The following TMEM47 variants were observed in gnomAD, a reference collection of about 807,000 sequenced individuals.
TMEM47 encodes brain cell membrane protein 1.
In TMEM47, 3 loss-of-function variants were observed where a neutral mutation model predicts 12.4. The observed-to-expected ratio is 0.24, with a 90% CI of 0.11 to 0.63. TMEM47 has a LOEUF of 0.63. TMEM47 is among the 20% of genes least tolerant of loss of function. The pLI, the probability that TMEM47 is intolerant of heterozygous loss-of-function variation, is 0.86. For synonymous variants in TMEM47, 62 were observed against 63.3 expected (o/e 0.98, Z 0.10); for missense variants, 89 against 143.8 (o/e 0.62, Z 1.95).
Position 34,630,320 on chromosome X carries a change from T to C in TMEM47, c.539A>G (p.Tyr180Cys). Residue 180 changes from tyrosine (Y) to cysteine (C), a missense_variant, in exon 3 of 3, where the codon TAC becomes TGC. Tyr to Cys is a radical substitution (Grantham distance 194). Transcript: ENST00000275954. ...ACTTTGAGACTATTGGTTCTAGTAG[T>C]AGTCTTCATAGTTCTTAGGGTTCAG... ...YCLNPKNYED[Y>C]Y The C allele has an allele frequency of 8.3e-7, 1 of 1,204,648 alleles. No individual in the cohort carries two copies. Among genetic ancestry groups the C allele is most frequent in the Non-Finnish European group, 1.1e-6 (1 of 891,777 alleles).
chrX:34,649,725 G>C (rs1921981331), intron 1 of TMEM47, among the ~76,000 whole-genome samples: 1 of 111,295 alleles, frequency 9.0e-6, no homozygotes, highest in African/African-American at 3.3e-5. Context: ...AAAAAATTAA[G>C]CTTTTTCAAA....
At chrX:34,643,971 G>T (rs928688289) in intron 1 of TMEM47, among the ~76,000 whole-genome samples, 3 of 110,639 alleles carry the variant, frequency 2.7e-5, no homozygotes, top group Admixed American at 9.7e-5. Context: ...TCTCTCAAAA[G>T]AATTTTGGCA....
Position 34,657,054 on chromosome X carries a change from C to T in TMEM47, c.-25G>A, listed in dbSNP as rs1162254795. 3 of 1,127,326 alleles carry T rather than the reference C, an allele frequency of 2.7e-6. No individual in the cohort carries two copies. Among genetic ancestry groups the T allele is most frequent in the African/African-American group, 1.8e-5 (1 of 55,214 alleles). 92.9% of individuals were successfully genotyped at this position (1,127,326 alleles called of 1,213,427 possible). ...TTCCTGGGCGCCGCTGTCGTCCGCCCCGCCGCAGGCGAGGACGCCAGGCGG... is the reference window on the plus strand; with the variant it reads ...TTCCTGGGCGCCGCTGTCGTCCGCCTCGCCGCAGGCGAGGACGCCAGGCGG... On this transcript the variant is annotated 5_prime_UTR_variant, in exon 1 of 3. Coordinates refer to ENST00000275954, the MANE Select transcript of TMEM47 (RefSeq NM_031442.4).
intron 2 of TMEM47, among the ~76,000 whole-genome samples, chrX:34,637,632 A>T (rs1294644165): frequency 9.0e-6 from 1 of 111,096 alleles, no homozygotes. Context: ...ACAGTTACTT[A>T]TTTGTTTACA....
chrX:34,637,613 C>A (rs975785050), intron 2 of TMEM47, among the ~76,000 whole-genome samples: 2 of 111,124 alleles, frequency 1.8e-5, no homozygotes, highest in African/African-American at 6.5e-5. Context: ...TTAAAAAAAA[C>A]CCTTCATTAC....
rs181958255 is a variant in TMEM47, at chrX:34,650,357, A to G, written c.226+6447T>C. Among the ~76,000 whole-genome samples, 6 of 111,849 alleles carry G rather than the reference A, an allele frequency of 5.4e-5. No individual in the cohort carries two copies. The East Asian group carries it at 1.7e-3, about 32-fold the overall frequency. On this transcript the variant is annotated intron_variant, in intron 1 of 2. Transcript: ENST00000275954. ...GAACATTTTAAAAACCAACCCTCCA[A>G]AAATACTATGGCAAAATGTACCCTC...
chrX:34,636,828 G>A (rs1362871628), intron 2 of TMEM47, among the ~76,000 whole-genome samples: 1 of 111,304 alleles, frequency 9.0e-6, no homozygotes, highest in Non-Finnish European at 1.9e-5. Flanking sequence ...GACTCCAACT[G>A]CAGTGCACAG....
chrX:34,638,653 T>G (rs1162610549), intron 2 of TMEM47, among the ~76,000 whole-genome samples: 1 of 112,233 alleles, frequency 8.9e-6, no homozygotes, highest in Non-Finnish European at 1.9e-5. Context: ...AATCATGTAT[T>G]GGGCTTTTAG....
At chrX:34,650,498 G>A (rs1273175266) in intron 1 of TMEM47, among the ~76,000 whole-genome samples, 1 of 111,610 alleles carries the variant, frequency 9.0e-6, no homozygotes, top group East Asian at 2.8e-4. Flanking sequence ...TTACAACTCT[G>A]AGATTCAATA....
chrX:34,653,538 G>A (rs192784628), intron 1 of TMEM47, among the ~76,000 whole-genome samples: 1 of 111,528 alleles, frequency 9.0e-6, no homozygotes, highest in Non-Finnish European at 1.9e-5. Context: ...AAGAAGAAAT[G>A]TAAAGTCTCC....
At chrX:34,648,361 G>T (rs942239225) in intron 1 of TMEM47, among the ~76,000 whole-genome samples, 1 of 111,674 alleles carries the variant, frequency 9.0e-6, no homozygotes, top group Non-Finnish European at 1.9e-5. Context: ...CAATGGAACA[G>T]AATAGAGAGC....
chrX:34,642,851 A>G (rs1243889760), intron 1 of TMEM47, among the ~76,000 whole-genome samples: 1 of 112,389 alleles, frequency 8.9e-6, no homozygotes, highest in Non-Finnish European at 1.9e-5. Context: ...GAATGGTGCC[A>G]AGTTTTAGAA....
At chrX:34,639,174 T>G (rs1212120810) in intron 2 of TMEM47, 73 bp downstream of exon 2, 10 of 1,092,357 alleles carry the variant, frequency 9.2e-6, no homozygotes, top group Middle Eastern at 2.5e-4. Context: ...ATACCTCTTC[T>G]GCATAGGAAA....
chrX:34,627,417 G>C lies in TMEM47; in HGVS notation c.*2896C>G, dbSNP rs2147135019. The C allele has an allele frequency of 8.9e-6, 1 of 112,148 alleles. No individual in the cohort carries two copies. Among genetic ancestry groups the C allele is most frequent in the Non-Finnish European group, 1.9e-5 (1 of 53,115 alleles). 9.2% of individuals were successfully genotyped at this position (112,148 alleles called of 1,213,427 possible). A position where few individuals can be genotyped will look rare whatever the true frequency, so the allele number is the denominator to read the frequency against. On this transcript the variant is annotated 3_prime_UTR_variant, in exon 3 of 3. Transcript: ENST00000275954. ...ACAGAGGCATAGGTTAGAGTGCACTGCTCTGTACAAAAATACAGTCTGAAT... is the reference window on the plus strand; with the variant it reads ...ACAGAGGCATAGGTTAGAGTGCACTCCTCTGTACAAAAATACAGTCTGAAT...
In TMEM47 at chrX:34,627,877, A is replaced by C. The variant is rs1252853366; in HGVS notation, c.*2436T>G. On this transcript the variant is annotated 3_prime_UTR_variant, in exon 3 of 3. Coordinates refer to ENST00000275954, the MANE Select transcript of TMEM47 (RefSeq NM_031442.4). ...ATTGTATTTTAGATGAGAAGCAACA[A>C]TTTTCATGTTGTACTGAGATTGTTA... 1 of 112,191 alleles carries C rather than the reference A, an allele frequency of 8.9e-6. No homozygotes were observed. Among genetic ancestry groups the C allele is most frequent in the African/African-American group, 3.2e-5 (1 of 30,858 alleles). The allele number at this position is 112,191 out of a possible 1,213,427, so 9.2% of individuals were successfully genotyped here. A position where few individuals can be genotyped will look rare whatever the true frequency, so the allele number is the denominator to read the frequency against.
At chrX:34,651,418 C>A (rs1054984682) in intron 1 of TMEM47, among the ~76,000 whole-genome samples, 2 of 112,018 alleles carry the variant, frequency 1.8e-5, no homozygotes, top group African/African-American at 3.2e-5. Flanking sequence ...AACCTGTGAG[C>A]GAAATCATTT....
rs188901901 is a variant in TMEM47, at chrX:34,642,531, G to T, written c.227-3144C>A. On this transcript the variant is annotated intron_variant, in intron 1 of 2. Coordinates refer to ENST00000275954, the MANE Select transcript of TMEM47 (RefSeq NM_031442.4). ...TAGAAAAAGAACCTCCTATAGCACA[G>T]GAAATACTTCTAAAAAGTAGATAAA... Among the ~76,000 whole-genome samples, 173 of 111,727 alleles carry T rather than the reference G, an allele frequency of 1.5e-3. 1 individual carries two copies. Among genetic ancestry groups the T allele is most frequent in the African/African-American group, 5.1e-3 (158 of 30,779 alleles).
intron 1 of TMEM47, among the ~76,000 whole-genome samples, chrX:34,643,449 G>A (rs745750207): frequency 1.5e-3 from 166 of 111,665 alleles, no homozygotes; most frequent in African/African-American, 4.8e-3. Flanking sequence ...CCTACACTCA[G>A]TGTTTGCAAA....
intron 2 of TMEM47, among the ~76,000 whole-genome samples, chrX:34,634,518 T>C (rs1601964588): frequency 8.9e-6 from 1 of 112,460 alleles, no homozygotes; most frequent in African/African-American, 3.2e-5. Flanking sequence ...AGATAAGACA[T>C]GGCCCTCGCC....
Sources: gnomAD v4.1 joint callset for allele counts (sites outside exome capture counted in the v4.1 genomes callset) on GRCh38, gnomAD v4.1.1 for gene constraint, MANE v1.5 for transcripts, NCBI Gene and HGNC (gene_info 2026-07-23, HGNC 2026-07-21) for gene names.